PCBP2: variants seen among roughly 807,000 people sequenced by gnomAD.
PCBP2 encodes poly(rC)-binding protein 2.
PCBP2 carries 4 observed loss-of-function variants against 50.1 expected under a neutral mutation model. That is an observed-to-expected ratio of 0.08 (90% CI 0.04 to 0.18). The LOEUF (loss-of-function observed/expected upper bound fraction) is 0.18. Among genes scored for constraint, PCBP2 ranks in the 10% least tolerant of loss-of-function variants. The pLI is 1.00. For synonymous variants in PCBP2, 179 were observed against 168.0 expected, an observed-to-expected ratio of 1.07 and a Z score of -0.51; for missense variants, 161 against 474.3, an observed-to-expected ratio of 0.34 and a Z score of 6.14.
In PCBP2 at chr12:53,455,284, T is replaced by C. The variant is rs1592632995; in HGVS notation, c.70-63T>C. The C allele has an allele frequency of 6.8e-6, 10 of 1,470,412 alleles. No homozygotes were observed. The African/African-American group carries it at 7.2e-5, about 11-fold the overall frequency. The allele number at this position is 1,470,412 out of a possible 1,614,324, so 91.1% of individuals were successfully genotyped here. A position where few individuals can be genotyped will look rare whatever the true frequency, so the allele number is the denominator to read the frequency against. ...ACATGTAGAAAAAGGAAAAATAAAATATATTTTTAAAAAGGAATACTTCTG... is the reference window on the plus strand; with the variant it reads ...ACATGTAGAAAAAGGAAAAATAAAACATATTTTTAAAAAGGAATACTTCTG... On this transcript the variant is annotated intron_variant, in intron 2 of 14. Transcript: ENST00000546463.
intron 5 of PCBP2, among the ~76,000 whole-genome samples, chr12:53,457,259 C>T (rs1941099366): frequency 6.6e-6 from 1 of 152,164 alleles, no homozygotes; most frequent in Admixed American, 6.5e-5. Flanking sequence ...TGTTATGTTT[C>T]CCAGGCTGGT....
intron 5 of PCBP2, among the ~76,000 whole-genome samples, chr12:53,458,613 A>G (rs1195624576): frequency 6.9e-6 from 1 of 144,098 alleles, no homozygotes; most frequent in Non-Finnish European, 1.5e-5. Flanking sequence ...GGTCTGTTTT[A>G]TATTTTTTCT....
intron 8 of PCBP2, among the ~76,000 whole-genome samples, chr12:53,463,398 A>T (rs1238159162): frequency 1.3e-5 from 2 of 152,154 alleles, no homozygotes; most frequent in Non-Finnish European, 1.5e-5. Flanking sequence ...TTCCACCTTC[A>T]ACCTACCTCA....
At chr12:53,472,370 A>G (rs1942301607) in intron 14 of PCBP2, among the ~76,000 whole-genome samples, 1 of 152,128 alleles carries the variant, frequency 6.6e-6, no homozygotes, top group Non-Finnish European at 1.5e-5. Flanking sequence ...TGTGTTTTCT[A>G]TCTCACTCCT....
chr12:53,477,665 C>CAAAAAAAAAAAAAAAAAAAA (rs61213286), intron 14 of PCBP2, among the ~76,000 whole-genome samples: 1 of 52,886 alleles, frequency 1.9e-5, no homozygotes, highest in Admixed American at 2.2e-4. Context: ...GACTCTGTCT[C>CAAAAAAAAAAAAAAAAAAAA]AAAAAAAAAA....
intron 13 of PCBP2, among the ~76,000 whole-genome samples, chr12:53,469,046 G>A (rs1339501113): frequency 6.6e-6 from 1 of 151,728 alleles, no homozygotes; most frequent in Admixed American, 6.6e-5. Context: ...GGGATTACAG[G>A]CATGTGCCAC....
intron 9 of PCBP2, among the ~76,000 whole-genome samples, chr12:53,465,592 C>CT (rs1941760210): frequency 6.6e-6 from 1 of 152,150 alleles, no homozygotes; most frequent in South Asian, 2.1e-4. Context: ...CCTAGGCTAT[C>CT]TTGTATACAG....
Position 53,462,488 on chromosome 12 carries a change from C to T in PCBP2, c.505-5C>T. 6.2e-7 allele frequency: 1 copy of T among 1,609,166 alleles called. No individual in the cohort carries two copies. The highest frequency in any genetic ancestry group is 8.5e-7 in the Non-Finnish European group (1 of 1,176,544). On this transcript the variant is annotated splice_region_variant and splice_polypyrimidine_tract_variant and intron_variant, in intron 7 of 14. Transcript: ENST00000546463. ...TTGTTTTTTTCCCCTCTGACTCTCTCCCAGTCCCCCCCGAAGGGCGTGACC... is the reference window on the plus strand; with the variant it reads ...TTGTTTTTTTCCCCTCTGACTCTCTTCCAGTCCCCCCCGAAGGGCGTGACC...
intron 14 of PCBP2, chr12:53,474,728 A>G (rs1942456806): frequency 3.0e-6 from 1 of 329,778 alleles, no homozygotes; most frequent in African/African-American, 2.2e-5. Context: ...GCTTGTCACA[A>G]GTTGACACTA....
intron 14 of PCBP2, among the ~76,000 whole-genome samples, chr12:53,472,883 G>C (rs1942334713): frequency 1.3e-5 from 2 of 151,956 alleles, no homozygotes; most frequent in Admixed American, 6.6e-5. Context: ...TCCTAGATTT[G>C]TTTTCTTGTC....
chr12:53,467,707 ATT>A (rs927698165), intron 11 of PCBP2, 96 bp from the exon 12 acceptor site: 1 of 967,540 alleles, frequency 1.0e-6, no homozygotes, highest in African/African-American at 1.7e-5. Context: ...TTTTGTTTTT[ATT>A]TTGTTTCGTT....
chr12:53,471,442 G>T (rs1942226636), intron 13 of PCBP2, among the ~76,000 whole-genome samples, 196 bp from the exon 14 acceptor site: 1 of 152,038 alleles, frequency 6.6e-6, no homozygotes, highest in Admixed American at 6.6e-5. Flanking sequence ...GCTGGGCATG[G>T]TGGCATGCGC....
chr12:53,479,410 T>C lies in PCBP2; in HGVS notation c.1057T>C (p.Ser353Pro). The C allele has an allele frequency of 6.2e-7, 1 of 1,614,128 alleles. No homozygotes were observed. Among genetic ancestry groups the C allele is most frequent in the Non-Finnish European group, 8.5e-7 (1 of 1,179,972 alleles). ...GTTCTTGTTTCTGTGTTACAGGCTT[T>C]CCTCGGAGACGGGTGGCATGGGGAG... ...LAQYLINVRLSSETGGMGSS is the reference protein window; with the variant it reads ...LAQYLINVRLPSETGGMGSS The change falls in exon 15 of 15, where the codon TCC (serine) becomes CCC (proline). Residue 353 changes from serine to proline, a missense_variant. This residue lies in a region of PCBP2 where 51 missense variants were observed against 193.0 expected (regional missense o/e 0.26). Transcript: ENST00000546463.
rs1941416008 is a variant in PCBP2 at position 53,461,045 on chromosome 12, G to C, written c.406G>C (p.Asp136His). 6.2e-7 allele frequency: 1 copy of C among 1,613,594 alleles called. No individual in the cohort carries two copies. Among genetic ancestry groups the C allele is most frequent in the Non-Finnish European group, 8.5e-7 (1 of 1,179,958 alleles). The change falls in exon 7 of 15, where the codon GAT (aspartate) becomes CAT (histidine). Residue 136 changes from aspartate to histidine, a missense_variant. By Grantham distance (81) the Asp-to-His change is moderately conservative. This residue lies in a region of PCBP2 where 13 missense variants were observed against 71.8 expected (regional missense o/e 0.18). Coordinates refer to ENST00000546463, the MANE Select transcript of PCBP2 (RefSeq NM_031989.5). Reference protein sequence around the residue: ...STGAQVQVAGDMLPNSTERAI... With the variant: ...STGAQVQVAGHMLPNSTERAI... The stretch of plus-strand genomic sequence containing the variant: ...AGGGGCTCAGGTCCAGGTGGCAGGG[G>C]ATATGCTACCCAACTCAACTGAGCG...
intron 5 of PCBP2, among the ~76,000 whole-genome samples, chr12:53,458,603 G>A (rs377183394): frequency 8.1e-4 from 122 of 151,440 alleles, no homozygotes; most frequent in Admixed American, 4.1e-3. Context: ...CGCCGTGCCC[G>A]GTCTGTTTTA....
rs1285576235 is a variant in PCBP2 at position 53,479,675 on chromosome 12, T to TTTTTTTTTTTTGTTTTG, written c.*241_*242insTTTGTTTTGTTTTTTTT. 5.8e-4 allele frequency: 224 copies of TTTTTTTTTTTTGTTTTG among 386,448 alleles called. 1 individual carries two copies. The highest frequency in any genetic ancestry group is 8.8e-4 in the Non-Finnish European group (190 of 216,432). The allele number at this position is 386,448 out of a possible 1,614,324, so 23.9% of individuals were successfully genotyped here. ...AGTTTTATAAGCTTCTCCCTGGTTT[T>TTTTTTTTTTTTGTTTTG]TTTTTTTTGGCTCATGAATTTTTCT... On this transcript the variant is annotated 3_prime_UTR_variant, in exon 15 of 15. Transcript: ENST00000546463.
At position 53,466,533 on chromosome 12, in the gene PCBP2, A is replaced by AT. The variant is rs1254104727; in HGVS notation, c.714+567dup. Reference sequence around the variant, plus strand: ...GTGCCGGTATTTAGACTTCAAGGGCATTTTTTTCTGCACTTTTCTTTTATC... The same window carrying AT: ...GTGCCGGTATTTAGACTTCAAGGGCATTTTTTTTCTGCACTTTTCTTTTATC... On this transcript the variant is annotated intron_variant, in intron 10 of 14. Coordinates refer to ENST00000546463, the MANE Select transcript of PCBP2 (RefSeq NM_031989.5). Among the ~76,000 whole-genome samples, 8 of 152,246 alleles carry AT rather than the reference A, an allele frequency of 5.3e-5. No homozygotes were observed. The East Asian group carries it at 5.8e-4, about 11-fold the overall frequency.
intron 13 of PCBP2, among the ~76,000 whole-genome samples, chr12:53,470,378 C>CAAAAAAAAAAAAAAAAAAAAAA (rs754350790): frequency 4.2e-5 from 2 of 47,366 alleles, no homozygotes; most frequent in African/African-American, 2.0e-4. Flanking sequence ...CTCCGTCTCT[C>CAAAAAAAAAAAAAAAAAAAAAA]AAAAAAAAAA....
At chr12:53,472,012 G>GC (rs1356579635) in intron 14 of PCBP2, among the ~76,000 whole-genome samples, 1 of 147,814 alleles carries the variant, frequency 6.8e-6, no homozygotes, top group Non-Finnish European at 1.5e-5. Flanking sequence ...GGTGGGGGGG[G>GC]GAGCACAGAT....
Sources: gnomAD v4.1 joint callset for allele counts (sites outside exome capture counted in the v4.1 genomes callset) on GRCh38, gnomAD v4.1.1 for gene constraint, gnomAD v4.1.1 regional missense constraint, MANE v1.5 for transcripts, NCBI Gene and HGNC (gene_info 2026-07-23, HGNC 2026-07-21) for gene names.